Variants in LZTFL1 observed in about 807,000 individuals in gnomAD.
LZTFL1 encodes the protein leucine zipper transcription factor-like protein 1.
A neutral mutation model predicts 45.9 loss-of-function variants in LZTFL1; 25 were observed. The observed-to-expected ratio is 0.54, with a 90% CI of 0.40 to 0.76. The LOEUF is 0.76. Among genes scored for constraint, LZTFL1 ranks in the 30% least tolerant of loss-of-function variants. LZTFL1 has a pLI of 0.00. For synonymous variants in LZTFL1, 93 were observed against 117.4 expected, an observed-to-expected ratio of 0.79 and a Z score of 1.35; for missense variants, 277 against 331.1, an observed-to-expected ratio of 0.84 and a Z score of 1.27.
At chr3:45,895,446 C>T (rs1355295847) in intron 2 of LZTFL1, among the ~76,000 whole-genome samples, 3 of 152,236 alleles carry the variant, frequency 2.0e-5, no homozygotes, top group South Asian at 2.1e-4. Flanking sequence ...CGTGGTAGCT[C>T]ACGCCTGTAA....
At chr3:45,906,223 G>A (rs1446611081) in intron 2 of LZTFL1, among the ~76,000 whole-genome samples, 5 of 152,290 alleles carry the variant, frequency 3.3e-5, no homozygotes, top group African/African-American at 1.2e-4. Flanking sequence ...GAGAGCATGG[G>A]TCCTGTCTCA....
chr3:45,907,511 C>T (rs1259815624), intron 2 of LZTFL1, among the ~76,000 whole-genome samples: 1 of 152,238 alleles, frequency 6.6e-6, no homozygotes, highest in East Asian at 1.9e-4. Flanking sequence ...ATTTCAAGCA[C>T]ATCTGAATTG....
At position 45,907,392 on chromosome 3, in the gene LZTFL1, G is replaced by A. The variant is rs73830612; in HGVS notation, c.-215+5728C>T. Among the ~76,000 whole-genome samples the A allele has an allele frequency of 3.2e-3, 490 of 152,266 alleles. 3 individuals are homozygous for A. The highest frequency in any genetic ancestry group is 0.011 in the African/African-American group (451 of 41,556). On this transcript the variant is annotated intron_variant, in intron 2 of 4. Transcript: ENST00000472635. ...TGTGCCTGCTCCACCAGCGGCCCTC[G>A]CTCAGGCCAGGCTCTGTGGCCAGGT...
intron 2 of LZTFL1, among the ~76,000 whole-genome samples, chr3:45,863,737 G>A (rs992508962): frequency 3.9e-4 from 59 of 152,216 alleles, no homozygotes; most frequent in African/African-American, 1.3e-3. Context: ...GGCCTCTATC[G>A]GCCACTGGCC....
rs1248411795 is a variant in LZTFL1, at chr3:45,828,452, T to G, written c.764A>C (p.His255Pro). Residue 255 changes from histidine to proline, a missense_variant, in exon 8 of 10, where the codon CAC (histidine) becomes CCC (proline). Physicochemically the swap from His to Pro is moderately conservative, Grantham distance 77. Coordinates refer to ENST00000296135, the MANE Select transcript of LZTFL1 (RefSeq NM_020347.4). The part of the protein sequence containing the change: ...HDLLRVQEQL[H>P]MAEKELEKKF... ...TGGTCTTCTGACCTTTTCAGCCATG[T>G]GCAGCTGCTCCTGAACCCTGAGTAG... 1.2e-6 allele frequency: 2 copies of G among 1,613,696 alleles called. No homozygotes were observed. The highest frequency in any genetic ancestry group is 1.1e-5 in the South Asian group (1 of 91,028).
At chr3:45,852,976 T>C (rs2125703192) in intron 4 of LZTFL1, among the ~76,000 whole-genome samples, 1 of 152,370 alleles carries the variant, frequency 6.6e-6, no homozygotes, top group Non-Finnish European at 1.5e-5. Flanking sequence ...CTTCAAACAC[T>C]GTTACCAACA....
rs1700618975 is a variant in LZTFL1 at position 45,824,657 on chromosome 3, A to G, written c.*1657T>C. 1 of 395,790 alleles carries G rather than the reference A, an allele frequency of 2.5e-6. No homozygotes were observed. The highest frequency in any genetic ancestry group is 4.5e-6 in the Non-Finnish European group (1 of 224,588). The allele number at this position is 395,790 out of a possible 1,614,324, so 24.5% of individuals were successfully genotyped here. ...TTTTCCTCACTGGTTTCAAACTGAC[A>G]AAGGTGTAGGGAGAAAATAATTGAA... On this transcript the variant is annotated 3_prime_UTR_variant, in exon 10 of 10. Transcript: ENST00000296135.
rs180987495 is a variant in LZTFL1 at position 45,829,601 on chromosome 3, C to T, written c.601-986G>A. ...CATGGGAAACAGAATAAGGCCCTGT[C>T]TCAAAAGAAAAAAAAAAAAAAAAAA... On this transcript the variant is annotated intron_variant, in intron 7 of 9. Transcript: ENST00000296135. 8.0e-3 allele frequency among the ~76,000 whole-genome samples: 801 copies of T among 100,698 alleles called. 3 individuals are homozygous for T. Among genetic ancestry groups the T allele is most frequent in the Middle Eastern group, 0.041 (6 of 146 alleles). 66.1% of individuals were successfully genotyped at this position (100,698 alleles called of 152,430 possible).
At chr3:45,889,304 TA>T (rs57833297) in intron 2 of LZTFL1, among the ~76,000 whole-genome samples, 14,790 of 148,368 alleles carry the variant, frequency 0.1, 1,084 homozygotes, top group South Asian at 0.37. Context: ...ATATTACCTT[TA>T]AAAAAAAAAA....
At chr3:45,910,652 G>A (rs1241400388) in intron 2 of LZTFL1, among the ~76,000 whole-genome samples, 1 of 152,152 alleles carries the variant, frequency 6.6e-6, no homozygotes, top group Non-Finnish European at 1.5e-5. Context: ...CTATGATAAA[G>A]TATCAGGAGT....
intron 2 of LZTFL1, among the ~76,000 whole-genome samples, chr3:45,904,146 T>A (rs1188248593): frequency 1.3e-5 from 2 of 152,208 alleles, no homozygotes; most frequent in African/African-American, 4.8e-5. Flanking sequence ...ATGTTTTAAA[T>A]GCCCAGACTC....
In LZTFL1 at chr3:45,854,959, A is replaced by G. The variant is rs149802690; in HGVS notation, c.-49+27T>C. 2,713 of 1,463,164 alleles carry G rather than the reference A, an allele frequency of 1.9e-3. 49 individuals carry two copies. In the African/African-American group the frequency reaches 0.032, roughly 18 times the overall value. 90.6% of individuals were successfully genotyped at this position (1,463,164 alleles called of 1,614,324 possible). A position where few individuals can be genotyped will look rare whatever the true frequency, so the allele number is the denominator to read the frequency against. ...CAACCACCACCAAAACATAATTATA[A>G]TATGTCAGATGCGCTTGTCAACTTA... On this transcript the variant is annotated intron_variant, in intron 4 of 4. Transcript: ENST00000472635.
At chr3:45,835,514 A>T in intron 3 of LZTFL1, 76 bp downstream of exon 3, 1 of 1,406,104 alleles carries the variant, frequency 7.1e-7, no homozygotes, top group East Asian at 2.3e-5. Context: ...GAAAATATGC[A>T]GCCAAAGATG....
At chr3:45,873,069 T>C (rs1701694830) in intron 2 of LZTFL1, among the ~76,000 whole-genome samples, 1 of 151,558 alleles carries the variant, frequency 6.6e-6, no homozygotes, top group African/African-American at 2.4e-5. Flanking sequence ...ACCATGACCA[T>C]GGCTAAACAA....
intron 2 of LZTFL1, among the ~76,000 whole-genome samples, chr3:45,879,747 C>T (rs762424224): frequency 7.9e-5 from 12 of 152,172 alleles, no homozygotes; most frequent in Admixed American, 2.0e-4. Flanking sequence ...GGCACATGTG[C>T]TGCGGGAGCG....
intron 2 of LZTFL1, among the ~76,000 whole-genome samples, chr3:45,872,627 T>C (rs1224778088): frequency 6.6e-6 from 1 of 152,154 alleles, no homozygotes; most frequent in Non-Finnish European, 1.5e-5. Flanking sequence ...ACCTCACAGC[T>C]CTAACAAATT....
chr3:45,913,806 C>A (rs764521902), intron 1 of LZTFL1, among the ~76,000 whole-genome samples: 1 of 152,186 alleles, frequency 6.6e-6, no homozygotes, highest in Non-Finnish European at 1.5e-5. Context: ...ACGCATACCC[C>A]CTGGATACTT....
chr3:45,895,211 T>C, intron 2 of LZTFL1: 1 of 532,950 alleles, frequency 1.9e-6, no homozygotes, highest in South Asian at 2.6e-5. Flanking sequence ...CTAAGGATTT[T>C]TAACCATCTT....
At chr3:45,891,633 A>T (rs992747541) in intron 2 of LZTFL1, among the ~76,000 whole-genome samples, 2 of 152,190 alleles carry the variant, frequency 1.3e-5, no homozygotes, top group African/African-American at 4.8e-5. Flanking sequence ...CAGCACTATC[A>T]TCGAATTCAC....
Sources: gnomAD v4.1 joint callset for allele counts (sites outside exome capture counted in the v4.1 genomes callset) on GRCh38, gnomAD v4.1.1 for gene constraint, MANE v1.5 for transcripts, NCBI Gene and HGNC (gene_info 2026-07-23, HGNC 2026-07-21) for gene names.